Variants in RABGEF1 observed in about 807,000 individuals in gnomAD.
RABGEF1 encodes RAB guanine nucleotide exchange factor 1.
Under a neutral mutation model 57.3 loss-of-function variants are expected in RABGEF1, and 26 were observed. The ratio of observed to expected loss-of-function variants is 0.45; its 90% CI spans 0.33 to 0.63. The LOEUF (loss-of-function observed/expected upper bound fraction) is 0.63. Ranked by LOEUF, RABGEF1 falls within the 20% of genes least tolerant of loss-of-function variation. The pLI is 0.02. For synonymous variants in RABGEF1, 185 were observed against 210.7 expected (o/e 0.88, Z 1.06); for missense variants, 464 against 607.6 (o/e 0.76, Z 2.48).
chr7:66,704,942 C>A (rs1318439660), intron 1 of RABGEF1, among the ~76,000 whole-genome samples: 1 of 151,854 alleles, frequency 6.6e-6, no homozygotes, highest in Non-Finnish European at 1.5e-5. Flanking sequence ...ACCAAACTGT[C>A]TTCCAAAATG....
At chr7:66,742,237 A>G (rs1338774839) in intron 1 of RABGEF1, among the ~76,000 whole-genome samples, 1 of 152,238 alleles carries the variant, frequency 6.6e-6, no homozygotes, top group Non-Finnish European at 1.5e-5. Context: ...TATTGTTAAT[A>G]TTTAATGATA....
intron 7 of RABGEF1, among the ~76,000 whole-genome samples, chr7:66,800,282 T>C (rs1786987635): frequency 6.6e-6 from 1 of 152,008 alleles, no homozygotes; most frequent in African/African-American, 2.4e-5. Flanking sequence ...ATAAAGGAGG[T>C]GGAGTCTTTC....
the RABGEF1 span, among the ~76,000 whole-genome samples, chr7:66,662,615 A>T: frequency 6.6e-5 from 10 of 151,984 alleles, no homozygotes; most frequent in Admixed American, 6.5e-5. Flanking sequence ...AAATCAACTG[A>T]TCTTCAAGAG....
chr7:66,770,822 G>A (rs1806923548), intron 1 of RABGEF1, among the ~76,000 whole-genome samples: 2 of 152,284 alleles, frequency 1.3e-5, no homozygotes, highest in East Asian at 1.9e-4. Flanking sequence ...CCTAATGGGT[G>A]TAAAGTGATA....
intron 1 of RABGEF1, chr7:66,748,689 A>G (rs1800777723): frequency 6.6e-6 from 1 of 152,436 alleles, no homozygotes; most frequent in Admixed American, 6.5e-5. Context: ...TTCCTTTTCC[A>G]TTGCAGTCCT....
chr7:66,700,208 C>T (rs1269090887), intron 1 of RABGEF1, among the ~76,000 whole-genome samples: 1 of 152,232 alleles, frequency 6.6e-6, no homozygotes, highest in East Asian at 1.9e-4. Context: ...TCTCTCCCTA[C>T]CAGGGCACCC....
rs149143934 is a variant in RABGEF1 at position 66,730,200 on chromosome 7, G to A, written c.-814-9796G>A. Among the ~76,000 whole-genome samples, 75 of 152,306 alleles carry A rather than the reference G, an allele frequency of 4.9e-4. 1 individual carries two copies. In the South Asian group the frequency reaches 0.012, roughly 24 times the overall value. ...ATGTCCACAGGCTCCTGTCCCCTGA[G>A]GGAGGACTTCCCAGCAGGGCTTCCA... On this transcript the variant is annotated intron_variant and NMD_transcript_variant, in intron 2 of 9. Transcript: ENST00000607882.
intron 2 of RABGEF1, among the ~76,000 whole-genome samples, chr7:66,713,207 T>C (rs570500158): frequency 6.7e-4 from 101 of 151,620 alleles, no homozygotes; most frequent in African/African-American, 2.4e-3. Context: ...AGTGGTGCGA[T>C]CTCAGCTCAC....
In RABGEF1 at chr7:66,809,467, A is replaced by C; in HGVS notation, c.*183A>C. Reference sequence around the variant, plus strand: ...GAACCTTAGTTAATAATAAAATACTACTTATTTGAGTTACTGATACAGATT... The same window carrying C: ...GAACCTTAGTTAATAATAAAATACTCCTTATTTGAGTTACTGATACAGATT... On this transcript the variant is annotated 3_prime_UTR_variant, in exon 9 of 9. Coordinates refer to ENST00000284957, the MANE Select transcript of RABGEF1 (RefSeq NM_014504.3). 1 of 577,666 alleles carries C rather than the reference A, an allele frequency of 1.7e-6. No homozygotes were observed. Among genetic ancestry groups the C allele is most frequent in the Non-Finnish European group, 2.8e-6 (1 of 360,774 alleles). The allele number at this position is 577,666 out of a possible 1,614,324, so 35.8% of individuals were successfully genotyped here.
the RABGEF1 span, among the ~76,000 whole-genome samples, chr7:66,661,719 C>T: frequency 6.6e-6 from 1 of 152,232 alleles, no homozygotes; most frequent in Non-Finnish European, 1.5e-5. Context: ...CAGTCCTTTG[C>T]AAACTCTTTC....
At chr7:66,743,036 G>T (rs1412765458) in intron 1 of RABGEF1, among the ~76,000 whole-genome samples, 2 of 152,154 alleles carry the variant, frequency 1.3e-5, no homozygotes, top group African/African-American at 4.8e-5. Flanking sequence ...CTGGCCAGGC[G>T]CGGTGGCTCA....
intron 1 of RABGEF1, among the ~76,000 whole-genome samples, chr7:66,696,689 C>CAA (rs71049476): frequency 2.9e-3 from 191 of 65,102 alleles, no homozygotes; most frequent in Non-Finnish European, 3.6e-3. Context: ...GACTCCGTCT[C>CAA]AAAAAAAAAA....
At chr7:66,713,873 G>A (rs1422200283) in intron 2 of RABGEF1, among the ~76,000 whole-genome samples, 1 of 152,182 alleles carries the variant, frequency 6.6e-6, no homozygotes, top group African/African-American at 2.4e-5. Flanking sequence ...ACACTGCATT[G>A]ATTGATTTCA....
chr7:66,707,855 A>G (rs1251785704), intron 1 of RABGEF1, among the ~76,000 whole-genome samples: 1 of 152,204 alleles, frequency 6.6e-6, no homozygotes, highest in Non-Finnish European at 1.5e-5. Flanking sequence ...TTATCATTCT[A>G]TAATGTCCTT....
chr7:66,793,459 T>C (rs1355983552), intron 4 of RABGEF1, among the ~76,000 whole-genome samples: 1 of 152,218 alleles, frequency 6.6e-6, no homozygotes, highest in Non-Finnish European at 1.5e-5. Context: ...CTGACAAATT[T>C]GGGATTTTTG....
chr7:66,762,609 GA>G (rs557545163), intron 1 of RABGEF1, among the ~76,000 whole-genome samples: 1 of 151,336 alleles, frequency 6.6e-6, no homozygotes, highest in South Asian at 2.1e-4. Context: ...AAGAAAAAAA[GA>G]AAAAAAAGAA....
At chr7:66,665,309 T>A in the RABGEF1 span, 1 of 92,440 alleles carries the variant, frequency 1.1e-5, no homozygotes, top group Non-Finnish European at 2.2e-5. Flanking sequence ...TATGCCGTGC[T>A]AATTTTTTTT....
At chr7:66,755,930 A>T (rs997513716) in intron 1 of RABGEF1, 6 of 634,126 alleles carry the variant, frequency 9.5e-6, no homozygotes, top group African/African-American at 1.9e-5. Context: ...ATGTTTTGTT[A>T]TATTTAACAT....
the RABGEF1 span, among the ~76,000 whole-genome samples, chr7:66,672,197 C>T: frequency 2.0e-5 from 3 of 150,208 alleles, no homozygotes; most frequent in Non-Finnish European, 4.4e-5. Flanking sequence ...CCGAGGCAGG[C>T]GGATCACAAG....
Sources: allele counts gnomAD v4.1 joint callset (sites outside exome capture counted in the v4.1 genomes callset), GRCh38; gene constraint gnomAD v4.1.1; transcripts MANE v1.5; gene names NCBI Gene and HGNC (gene_info 2026-07-23, HGNC 2026-07-21).